Variants in DNAH17 observed in about 807,000 individuals in gnomAD.
The protein encoded by DNAH17 is axonemal beta dynein heavy chain 17.
A neutral mutation model predicts 485.6 loss-of-function variants in DNAH17; 376 were observed. The observed-to-expected ratio is 0.77, with a 90% CI of 0.71 to 0.84. The LOEUF is 0.84. Ranked by LOEUF, DNAH17 falls within the 40% of genes least tolerant of loss-of-function variation. The pLI, the probability that DNAH17 is intolerant of heterozygous loss-of-function variation, is 0.00. For missense variants in DNAH17, 6,370 were observed against 5,839.3 expected, an observed-to-expected ratio of 1.09 and a Z score of -2.96; for synonymous variants, 3,031 against 2,405.9, an observed-to-expected ratio of 1.26 and a Z score of -7.60.
intron 16 of DNAH17, among the ~76,000 whole-genome samples, chr17:78,547,977 TTATC>T (rs368724895): frequency 3.3e-4 from 50 of 152,284 alleles, no homozygotes; most frequent in African/African-American, 1.2e-3. Flanking sequence ...ATCTTACACA[TTATC>T]TATTGTTATT....
At chr17:78,433,969 G>GAGGGAAGGAGGA in intron 75 of DNAH17, 60 bp downstream of exon 75, 1 of 1,384,924 alleles carries the variant, frequency 7.2e-7, no homozygotes. Flanking sequence ...GGGAAGGAGG[G>GAGGGAAGGAGGA]AGGGAAGGAG....
intron 71 of DNAH17, among the ~76,000 whole-genome samples, chr17:78,441,684 G>A (rs904807657): frequency 3.3e-5 from 5 of 152,208 alleles, no homozygotes; most frequent in Admixed American, 3.3e-4. Context: ...CTCCCATGGA[G>A]GACCGAGTGA....
Position 78,466,804 on chromosome 17 carries a change from A to AACACAGGATCACCTGGGTGTGGGAG in DNAH17, c.8779-13_8790dup (p.Phe2931LeufsTer55). The AACACAGGATCACCTGGGTGTGGGAG allele has an allele frequency of 6.3e-7, 1 of 1,592,396 alleles. No individual in the cohort carries two copies. Among genetic ancestry groups the AACACAGGATCACCTGGGTGTGGGAG allele is most frequent in the Admixed American group, 1.8e-5 (1 of 56,878 alleles). ...CGCAGCACGGAGCCCACAGGGGAGA[A>AACACAGGATCACCTGGGTGTGGGAG]ACACAGGATCACCTGGGTGTGGGAG... On this transcript the variant is annotated frameshift_variant, in exon 56 of 81. Transcript: ENST00000389840. LOFTEE classifies it high-confidence loss of function.
At chr17:78,536,590 A>C (rs986308172) in intron 19 of DNAH17, among the ~76,000 whole-genome samples, 4 of 151,932 alleles carry the variant, frequency 2.6e-5, no homozygotes. Flanking sequence ...CTGAGGCGGG[A>C]GGATCAATTG....
intron 24 of DNAH17, 132 bp from the exon 25 acceptor site, chr17:78,525,293 C>A: frequency 7.5e-7 from 1 of 1,330,100 alleles, no homozygotes; most frequent in Non-Finnish European, 1.0e-6. Context: ...GTCCATACAA[C>A]GGTGTCCCAC....
At position 78,561,847 on chromosome 17, in the gene DNAH17, GC is replaced by G. The variant is rs1568259053; in HGVS notation, c.1702del (p.Ala568ArgfsTer10). ...GGGGATGTTCCCCTCCTCGGAGGCC[GC>G]CATCTGGGCATCGTACAAGATCTTA... ...NAKILYDAQM[A>X]ASEEGNIPLI... On this transcript the variant is annotated frameshift_variant, in exon 12 of 81. Coordinates refer to ENST00000389840, the MANE Select transcript of DNAH17 (RefSeq NM_173628.4). LOFTEE classifies it high-confidence loss of function. 6.2e-7 allele frequency: 1 copy of G among 1,613,742 alleles called. No homozygotes were observed. The highest frequency in any genetic ancestry group is 2.2e-5 in the East Asian group (1 of 44,880).
chr17:78,469,326 A>G (rs1050840938), intron 54 of DNAH17, among the ~76,000 whole-genome samples: 1 of 152,170 alleles, frequency 6.6e-6, no homozygotes, highest in African/African-American at 2.4e-5. Flanking sequence ...TATTTTAAGT[A>G]GAGACAGGGT....
At chr17:78,466,553 T>C in intron 56 of DNAH17, 102 bp downstream of exon 56, 1 of 1,205,384 alleles carries the variant, frequency 8.3e-7, no homozygotes, top group Non-Finnish European at 1.1e-6. Context: ...CTCACTTGGC[T>C]CACCCTAATC....
At chr17:78,566,813 G>A (rs1208035293) in intron 10 of DNAH17, 83 bp from the exon 11 acceptor site, 5 of 1,333,964 alleles carry the variant, frequency 3.7e-6, no homozygotes, top group Non-Finnish European at 5.2e-6. Flanking sequence ...GCCCTGCTGA[G>A]AGGACTCGGG....
At chr17:78,444,127 T>C (rs1038238694) in intron 71 of DNAH17, among the ~76,000 whole-genome samples, 1 of 152,192 alleles carries the variant, frequency 6.6e-6, no homozygotes, top group South Asian at 2.1e-4. Flanking sequence ...ACAGAGGTAC[T>C]CAAAGTCCTC....
At chr17:78,551,460 C>T (rs2091899737) in intron 16 of DNAH17, 75 bp downstream of exon 16, 2 of 1,390,870 alleles carry the variant, frequency 1.4e-6, no homozygotes, top group Non-Finnish European at 1.0e-6. Context: ...CCATGGGCCT[C>T]TACGTAGCCT....
Position 78,423,774 on chromosome 17 carries a change from A to ACAAAG in DNAH17, c.*127_*131dup, listed in dbSNP as rs2086200253. On this transcript the variant is annotated 3_prime_UTR_variant, in exon 81 of 81. Coordinates refer to ENST00000389840, the MANE Select transcript of DNAH17 (RefSeq NM_173628.4). The stretch of plus-strand genomic sequence containing the variant: ...CCCTCTGGTTCCGATGTGCTTGGTT[A>ACAAAG]CAAAGCACCTGATTATTTAAGAGAA... The ACAAAG allele has an allele frequency of 1.1e-5, 13 of 1,235,530 alleles. 1 individual carries two copies. In the East Asian group the frequency reaches 1.4e-4, roughly 13 times the overall value. The allele number at this position is 1,235,530 out of a possible 1,614,324, so 76.5% of individuals were successfully genotyped here.
intron 44 of DNAH17, among the ~76,000 whole-genome samples, chr17:78,488,068 G>A (rs1313773407): frequency 7.0e-6 from 1 of 143,500 alleles, no homozygotes; most frequent in Non-Finnish European, 1.6e-5. Flanking sequence ...AATCTACGCA[G>A]AGGCTGCTGC....
intron 12 of DNAH17, among the ~76,000 whole-genome samples, chr17:78,561,179 G>T (rs555018733): frequency 6.6e-6 from 1 of 152,132 alleles, no homozygotes; most frequent in East Asian, 1.9e-4. Flanking sequence ...ACTGGCTCCC[G>T]ACCGCCAGGC....
At chr17:78,493,992 C>G (rs752859738) in intron 41 of DNAH17, 44 bp downstream of exon 41, 40 of 1,585,488 alleles carry the variant, frequency 2.5e-5, no homozygotes, top group Non-Finnish European at 2.9e-5. Context: ...AGCCCTCCCC[C>G]ACCATGCCGG....
chr17:78,446,795 C>T lies in DNAH17; in HGVS notation c.11212-1115G>A, dbSNP rs138472812. 4.7e-4 allele frequency among the ~76,000 whole-genome samples: 72 copies of T among 152,290 alleles called. No individual in the cohort carries two copies. In the East Asian group the frequency reaches 0.013, roughly 27 times the overall value. Reference sequence around the variant, plus strand: ...AGTAGCTGGAATTACAGGTGTGTGCCACCATGCCCGGCTAATTTTTGCATT... The same window carrying T: ...AGTAGCTGGAATTACAGGTGTGTGCTACCATGCCCGGCTAATTTTTGCATT... On this transcript the variant is annotated intron_variant, in intron 69 of 80. Coordinates refer to ENST00000389840, the MANE Select transcript of DNAH17 (RefSeq NM_173628.4).
chr17:78,472,782 CT>C, intron 54 of DNAH17: 1 of 454,350 alleles, frequency 2.2e-6, no homozygotes, highest in South Asian at 1.6e-5. Flanking sequence ...CTCGTCGCAC[CT>C]GCCCACTTTC....
At position 78,510,401 on chromosome 17, in the gene DNAH17, C is replaced by G; in HGVS notation, c.4219G>C (p.Glu1407Gln). The part of the protein sequence containing the change: ...VRNIVDKAVK[E>Q]SGMEKVLKAL... ...CGGCCTACCTTTTCCATGCCCGACT[C>G]CTTCACGGCCTTGTCCACGATGTTG... Residue 1407 changes from glutamate to glutamine, a missense_variant, in exon 27 of 81, where the codon GAG (glutamate) becomes CAG (glutamine). Physicochemically the swap from Glu to Gln is conservative, Grantham distance 29. Transcript: ENST00000389840. 6.2e-7 allele frequency: 1 copy of G among 1,613,070 alleles called. No individual in the cohort carries two copies. Among genetic ancestry groups the G allele is most frequent in the African/African-American group, 1.3e-5 (1 of 75,026 alleles).
At chr17:78,482,988 G>A (rs926656260) in intron 48 of DNAH17, among the ~76,000 whole-genome samples, 4 of 152,154 alleles carry the variant, frequency 2.6e-5, no homozygotes, top group South Asian at 4.1e-4. Flanking sequence ...AAGGGGCCTC[G>A]CGAGTTGCAG....
Sources: gnomAD v4.1 joint callset for allele counts (sites outside exome capture counted in the v4.1 genomes callset) on GRCh38, gnomAD v4.1.1 for gene constraint, MANE v1.5 for transcripts, NCBI Gene and HGNC (gene_info 2026-07-23, HGNC 2026-07-21) for gene names.